The following ZNF268 variants were observed in gnomAD, a reference collection of about 807,000 sequenced individuals.
ZNF268 encodes the protein zinc finger protein 268.
A neutral mutation model predicts 29.3 loss-of-function variants in ZNF268; 20 were observed. The ratio of observed to expected loss-of-function variants is 0.68; its 90% confidence interval spans 0.48 to 0.99. The LOEUF is 0.99. Among genes scored for constraint, ZNF268 ranks in the 50% least tolerant of loss-of-function variants. The pLI, the probability that ZNF268 is intolerant of heterozygous loss-of-function variation, is 0.00. For synonymous variants in ZNF268, 429 were observed against 376.9 expected, an observed-to-expected ratio of 1.14 and a Z score of -1.60; for missense variants, 1,240 against 1,121.6, an observed-to-expected ratio of 1.11 and a Z score of -1.51.
rs1956807887 is a variant in ZNF268, at chr12:133,203,426, A to G, written c.1740A>G (p.Gly580=). The change falls in exon 6 of 6, where the codon GGA becomes GGG. Residue 580 remains glycine (G), a synonymous_variant. Transcript: ENST00000536435. ...QLISHQRTHA[G]EKPYECTDCG... The stretch of plus-strand genomic sequence containing the variant: ...TTTCACACCAGAGAACTCATGCAGG[A>G]GAGAAGCCTTATGAATGCACCGACT... The G allele has an allele frequency of 6.5e-7, 1 of 1,543,704 alleles. No homozygotes were observed. The highest frequency in any genetic ancestry group is 8.7e-7 in the Non-Finnish European group (1 of 1,149,230).
chr12:133,188,048 G>A lies in ZNF268; in HGVS notation c.210G>A (p.Glu70=), dbSNP rs759267287. The A allele has an allele frequency of 1.3e-6, 2 of 1,592,044 alleles. No individual in the cohort carries two copies. Among genetic ancestry groups the A allele is most frequent in the African/African-American group, 1.3e-5 (1 of 74,578 alleles). ...TAGAGTGGCTGTTTATTTCCCAAGA[G>A]CAGCCAAAAATCACCAAGTCCTGGG... ...KVLEWLFISQ[E]QPKITKSWGP... The change falls in exon 3 of 6, where the codon GAG becomes GAA. Residue 70 remains glutamate, a synonymous_variant. Coordinates refer to ENST00000536435, the MANE Select transcript of ZNF268 (RefSeq NM_003415.3).
intron 2 of ZNF268, 122 bp from the exon 3 acceptor site, chr12:133,187,750 C>T: frequency 1.0e-6 from 1 of 966,478 alleles, no homozygotes; most frequent in Non-Finnish European, 1.5e-6. Context: ...CCTGCATTTC[C>T]TGAAGTTAAA....
intron 2 of ZNF268, among the ~76,000 whole-genome samples, chr12:133,186,136 G>A (rs1234231861): frequency 2.0e-5 from 3 of 152,118 alleles, no homozygotes; most frequent in Non-Finnish European, 4.4e-5. Context: ...GAAAGGGCTA[G>A]TTGGAGACCA....
chr12:133,198,943 A>G (rs1401322834), intron 5 of ZNF268, among the ~76,000 whole-genome samples: 1 of 146,680 alleles, frequency 6.8e-6, no homozygotes, highest in African/African-American at 2.6e-5. Flanking sequence ...GGGCTGAGAC[A>G]GTGGGGTTTT....
At chr12:133,194,653 C>T (rs895389173) in intron 5 of ZNF268, among the ~76,000 whole-genome samples, 11 of 152,208 alleles carry the variant, frequency 7.2e-5, no homozygotes, top group African/African-American at 2.7e-4. Context: ...GGGGCTATCT[C>T]CGTTGGCTCA....
Position 133,189,415 on chromosome 12 carries a change from A to G in ZNF268, c.234+1343A>G, listed in dbSNP as rs565503678. ...TTTGTAGTAGAGACAGGGTTTCACC[A>G]TGTTGGCCAGGCTGGTTTCAAACTC... On this transcript the variant is annotated intron_variant, in intron 3 of 5. Coordinates refer to ENST00000536435, the MANE Select transcript of ZNF268 (RefSeq NM_003415.3). Among the ~76,000 whole-genome samples, 526 of 152,120 alleles carry G rather than the reference A, an allele frequency of 3.5e-3. 4 individuals carry two copies. The highest frequency in any genetic ancestry group is 0.012 in the African/African-American group (494 of 41,518).
chr12:133,185,244 G>C (rs796848294), intron 2 of ZNF268, among the ~76,000 whole-genome samples: 33 of 151,672 alleles, frequency 2.2e-4, no homozygotes, highest in African/African-American at 8.0e-4. Flanking sequence ...GCTCAGGGAA[G>C]GCCCCCACTG....
chr12:133,204,513 G>A lies in ZNF268; in HGVS notation c.2827G>A (p.Val943Ile). The change falls in exon 6 of 6, where the codon GTA (valine) becomes ATA (isoleucine). Residue 943 changes from valine to isoleucine, a missense_variant. By Grantham distance (29) the Val-to-Ile change is conservative. Transcript: ENST00000536435. The part of the protein sequence containing the change: ...SQLIMHQRTH[V>I]DDKH ...GCTCATTATGCATCAGAGAACTCAT[G>A]TAGATGACAAACATTGATAATTTTA... 3 of 1,508,374 alleles carry A rather than the reference G, an allele frequency of 2.0e-6. No individual in the cohort carries two copies. Among genetic ancestry groups the A allele is most frequent in the Non-Finnish European group, 2.6e-6 (3 of 1,134,850 alleles). 93.4% of individuals were successfully genotyped at this position (1,508,374 alleles called of 1,614,324 possible). A position where few individuals can be genotyped will look rare whatever the true frequency, so the allele number is the denominator to read the frequency against.
In ZNF268 at chr12:133,212,842, C is replaced by G. The variant is rs868078487; in HGVS notation, c.*8312C>G. On this transcript the variant is annotated 3_prime_UTR_variant, in exon 6 of 6. Coordinates refer to ENST00000536435, the MANE Select transcript of ZNF268 (RefSeq NM_003415.3). The stretch of plus-strand genomic sequence containing the variant: ...GTAGCTGGAACTACAGGTGCCACTA[C>G]ACCCAAATAGTTTTTTGGTTTTTTT... 1 of 152,160 alleles carries G rather than the reference C, an allele frequency of 6.6e-6. No individual in the cohort carries two copies. The highest frequency in any genetic ancestry group is 1.5e-5 in the Non-Finnish European group (1 of 68,052). 9.4% of individuals were successfully genotyped at this position (152,160 alleles called of 1,614,324 possible).
At chr12:133,186,605 T>G (rs944037837) in intron 2 of ZNF268, among the ~76,000 whole-genome samples, 1 of 152,050 alleles carries the variant, frequency 6.6e-6, no homozygotes, top group Non-Finnish European at 1.5e-5. Context: ...CTCGAACTCC[T>G]GAGTTCAGGC....
rs564154231 is a variant in ZNF268 at position 133,189,407 on chromosome 12, G to A, written c.234+1335G>A. On this transcript the variant is annotated intron_variant, in intron 3 of 5. Transcript: ENST00000536435. ...TTTTTGTATTTGTAGTAGAGACAGG[G>A]TTTCACCATGTTGGCCAGGCTGGTT... Among the ~76,000 whole-genome samples the A allele has an allele frequency of 2.0e-5, 3 of 152,036 alleles. 1 individual carries two copies. Among genetic ancestry groups the A allele is most frequent in the African/African-American group, 7.2e-5 (3 of 41,490 alleles).
At position 133,203,847 on chromosome 12, in the gene ZNF268, G is replaced by T; in HGVS notation, c.2161G>T (p.Glu721Ter). Residue 721 changes from glutamate (E) to a stop codon, truncating the protein, a stop_gained, in exon 6 of 6, where the codon GAG becomes TAG. Coordinates refer to ENST00000536435, the MANE Select transcript of ZNF268 (RefSeq NM_003415.3). LOFTEE classifies it low-confidence loss of function (END_TRUNC). Reference protein sequence around the residue: ...LIIHMRTHTGEKPHECRECGK... With the variant: ...LIIHMRTHTG Reference sequence around the variant, plus strand: ...TATACATATGAGAACTCATACAGGAGAGAAACCACATGAGTGCAGGGAATG... The same window carrying T: ...TATACATATGAGAACTCATACAGGATAGAAACCACATGAGTGCAGGGAATG... 1 of 1,566,158 alleles carries T rather than the reference G, an allele frequency of 6.4e-7. No homozygotes were observed. Among genetic ancestry groups the T allele is most frequent in the Non-Finnish European group, 8.6e-7 (1 of 1,161,398 alleles).
Position 133,203,021 on chromosome 12 carries a change from T to C in ZNF268, c.1335T>C (p.Val445=). The part of the protein sequence containing the change: ...QRTHTGEKPY[V]CSDCGKAFTF... ...CCCATACAGGGGAGAAACCTTATGT[T>C]TGTAGTGATTGTGGAAAAGCCTTTA... Residue 445 remains valine, a synonymous_variant, in exon 6 of 6, where the codon GTT becomes GTC. Coordinates refer to ENST00000536435, the MANE Select transcript of ZNF268 (RefSeq NM_003415.3). 5 of 1,544,400 alleles carry C rather than the reference T, an allele frequency of 3.2e-6. No homozygotes were observed. The highest frequency in any genetic ancestry group is 4.3e-6 in the Non-Finnish European group (5 of 1,150,538).
In ZNF268 at chr12:133,203,213, C is replaced by T. The variant is rs1956799169; in HGVS notation, c.1527C>T (p.Phe509=). 1 of 1,537,868 alleles carries T rather than the reference C, an allele frequency of 6.5e-7. No individual in the cohort carries two copies. Among genetic ancestry groups the T allele is most frequent in the Non-Finnish European group, 8.7e-7 (1 of 1,146,842 alleles). Residue 509 remains phenylalanine, a synonymous_variant, in exon 6 of 6, where the codon TTC becomes TTT. Transcript: ENST00000536435. ...TATGCAATGAATGTGGCAAAGCCTT[C>T]AGGAGCAAGTCATACCTTATTATAC... is the stretch of plus-strand genomic sequence containing the variant. ...PYVCNECGKA[F]RSKSYLIIHT...
In ZNF268 at chr12:133,212,363, C is replaced by T. The variant is rs1252207141; in HGVS notation, c.*7833C>T. The T allele has an allele frequency of 3.3e-5, 5 of 150,862 alleles. No homozygotes were observed. Among genetic ancestry groups the T allele is most frequent in the Non-Finnish European group, 7.4e-5 (5 of 67,826 alleles). The allele number at this position is 150,862 out of a possible 1,614,324, so 9.3% of individuals were successfully genotyped here. ...CAGCATGAACAAAAAGGCCACTTAT[C>T]ACTCCAGGAGAGCAGGGTGTTCTTT... is the stretch of plus-strand genomic sequence containing the variant. On this transcript the variant is annotated 3_prime_UTR_variant, in exon 6 of 6. Coordinates refer to ENST00000536435, the MANE Select transcript of ZNF268 (RefSeq NM_003415.3).
chr12:133,184,527 A>C (rs1593869774), intron 2 of ZNF268: 1 of 211,820 alleles, frequency 4.7e-6, no homozygotes, highest in African/African-American at 2.2e-5. Flanking sequence ...CAGCTCTCTG[A>C]AACCTCTTTA....
At chr12:133,198,714 G>A (rs966619607) in intron 5 of ZNF268, among the ~76,000 whole-genome samples, 11 of 150,548 alleles carry the variant, frequency 7.3e-5, no homozygotes, top group African/African-American at 2.7e-4. Context: ...ATTTCATTGA[G>A]CAGTGGTTTG....
chr12:133,181,949 C>T lies in ZNF268; in HGVS notation c.-49C>T, dbSNP rs538479997. 182 of 1,549,502 alleles carry T rather than the reference C, an allele frequency of 1.2e-4. 3 individuals carry two copies. The South Asian group carries it at 2.0e-3, about 17-fold the overall frequency. ...TTCACTGTGCTCTCTCTTCTAGCATCCCTCGCGTCCTGTCACTTCCAGCGA... is the reference window on the plus strand; with the variant it reads ...TTCACTGTGCTCTCTCTTCTAGCATTCCTCGCGTCCTGTCACTTCCAGCGA... On this transcript the variant is annotated 5_prime_UTR_variant, in exon 2 of 6. Coordinates refer to ENST00000536435, the MANE Select transcript of ZNF268 (RefSeq NM_003415.3).
intron 5 of ZNF268, among the ~76,000 whole-genome samples, chr12:133,193,081 T>C (rs1024127124): frequency 4.6e-5 from 7 of 152,182 alleles, no homozygotes; most frequent in African/African-American, 1.7e-4. Context: ...GACCGAGCAC[T>C]TTTTCCCTTC....
Sources: gnomAD v4.1 joint callset for allele counts (sites outside exome capture counted in the v4.1 genomes callset) on GRCh38, gnomAD v4.1.1 for gene constraint, MANE v1.5 for transcripts, NCBI Gene and HGNC (gene_info 2026-07-23, HGNC 2026-07-21) for gene names.